PDZRN3: variants seen among roughly 807,000 people sequenced by gnomAD.
The protein encoded by PDZRN3 is PDZ domain containing ring finger 3.
In PDZRN3, 38 loss-of-function variants were observed where a neutral mutation model predicts 85.7. That is an observed-to-expected ratio of 0.44 (90% confidence interval 0.34 to 0.58). The LOEUF (loss-of-function observed/expected upper bound fraction) is 0.58, where lower values mean the gene tolerates loss of function less well. Among genes scored for constraint, PDZRN3 ranks in the 20% least tolerant of loss-of-function variants. The probability of loss-of-function intolerance (pLI) is 0.01; values close to 1 mark genes in which losing one functional copy is unlikely to be tolerated. For synonymous variants in PDZRN3, 759 were observed against 638.0 expected, an observed-to-expected ratio of 1.19 and a Z score of -2.86; for missense variants, 1,629 against 1,506.4, an observed-to-expected ratio of 1.08 and a Z score of -1.35.
intron 3 of PDZRN3, among the ~76,000 whole-genome samples, chr3:73,462,453 G>C (rs1047974075): frequency 2.0e-5 from 3 of 148,876 alleles, no homozygotes; most frequent in African/African-American, 7.4e-5. Context: ...CCCGAAGCAG[G>C]AGAATGGTGT....
intron 3 of PDZRN3, among the ~76,000 whole-genome samples, chr3:73,429,383 T>C (rs1702384684): frequency 6.6e-6 from 1 of 152,230 alleles, no homozygotes; most frequent in Non-Finnish European, 1.5e-5. Flanking sequence ...TTTATGTTCA[T>C]CCAATTAACC....
intron 3 of PDZRN3, chr3:73,408,143 C>T: frequency 1.4e-6 from 1 of 703,410 alleles, no homozygotes; most frequent in Non-Finnish European, 2.6e-6. Context: ...TGACCTCCTC[C>T]TTTTTCACAG....
At chr3:73,511,945 A>G (rs896874787) in intron 3 of PDZRN3, among the ~76,000 whole-genome samples, 3 of 152,250 alleles carry the variant, frequency 2.0e-5, no homozygotes, top group Admixed American at 2.0e-4. Context: ...GAGACCAGAA[A>G]GTAAACTTCT....
intron 3 of PDZRN3, among the ~76,000 whole-genome samples, chr3:73,426,579 G>C (rs1037308849): frequency 1.3e-5 from 2 of 152,166 alleles, no homozygotes; most frequent in African/African-American, 4.8e-5. Context: ...AAGTGTCTGA[G>C]ATGTGACTTC....
chr3:73,453,425 A>AAAAAAAAAAAAAC (rs1702913162), intron 3 of PDZRN3, among the ~76,000 whole-genome samples: 1 of 8,460 alleles, frequency 1.2e-4, no homozygotes, highest in Non-Finnish European at 3.7e-4. Flanking sequence ...AAAAAAAAAC[A>AAAAAAAAAAAAAC]AAAAAAAAAA....
intron 3 of PDZRN3, among the ~76,000 whole-genome samples, chr3:73,599,596 C>G (rs1210264575): frequency 3.3e-5 from 5 of 152,202 alleles, no homozygotes; most frequent in Admixed American, 3.3e-4. Flanking sequence ...TATATTTTGC[C>G]ACATGTATGT....
intron 3 of PDZRN3, among the ~76,000 whole-genome samples, chr3:73,550,861 G>T (rs1701536378): frequency 6.6e-6 from 1 of 152,200 alleles, no homozygotes; most frequent in Non-Finnish European, 1.5e-5. Context: ...TGGAACAAGG[G>T]TCATACAGAC....
intron 3 of PDZRN3, among the ~76,000 whole-genome samples, chr3:73,558,878 G>C (rs1433386059): frequency 1.3e-5 from 2 of 152,224 alleles, no homozygotes; most frequent in African/African-American, 4.8e-5. Context: ...TGCACTGTTT[G>C]ACAGCCTACG....
At chr3:73,431,163 C>G (rs1702423174) in intron 3 of PDZRN3, among the ~76,000 whole-genome samples, 2 of 152,144 alleles carry the variant, frequency 1.3e-5, no homozygotes, top group African/African-American at 4.8e-5. Flanking sequence ...ATGCATGGCC[C>G]CAATCACTGA....
chr3:73,407,967 G>A lies in PDZRN3; in HGVS notation c.919-3572C>T, dbSNP rs191350228. 32 of 594,596 alleles carry A rather than the reference G, an allele frequency of 5.4e-5. No individual in the cohort carries two copies. In the Admixed American group the frequency reaches 9.3e-4, roughly 17 times the overall value. 36.8% of individuals were successfully genotyped at this position (594,596 alleles called of 1,614,324 possible). On this transcript the variant is annotated intron_variant, in intron 3 of 9. Coordinates refer to ENST00000263666, the MANE Select transcript of PDZRN3 (RefSeq NM_015009.3). ...ACCCCAAAGGGAGAACTGGGACTTTGGGGTGACTGAGAAATGCCCTGTCAT... is the reference window on the plus strand; with the variant it reads ...ACCCCAAAGGGAGAACTGGGACTTTAGGGTGACTGAGAAATGCCCTGTCAT...
In PDZRN3 at chr3:73,384,261, G is replaced by A. The variant is rs746963822; in HGVS notation, c.2305C>T (p.Leu769Phe). ...NTGESCRSTP[L>F]TLEISPDNSL... is the part of the protein sequence containing the mutation. ...TTGTCGGGGGAGATCTCCAGGGTGA[G>A]CGGGGTGCTGCGGCAGCTCTCGCCT... Residue 769 changes from leucine to phenylalanine, a missense_variant, in exon 10 of 10, where the codon CTC (leucine) becomes TTC (phenylalanine). Transcript: ENST00000263666. 20 of 1,613,104 alleles carry A rather than the reference G, an allele frequency of 1.2e-5. No homozygotes were observed. The East Asian group carries it at 4.5e-4, about 36-fold the overall frequency.
At chr3:73,574,811 C>A (rs537260323) in intron 3 of PDZRN3, among the ~76,000 whole-genome samples, 1 of 152,180 alleles carries the variant, frequency 6.6e-6, no homozygotes, top group African/African-American at 2.4e-5. Flanking sequence ...GTGCTTTTTA[C>A]AACAAATTCA....
chr3:73,580,249 G>C (rs952645593), intron 3 of PDZRN3, among the ~76,000 whole-genome samples: 1 of 152,224 alleles, frequency 6.6e-6, no homozygotes, highest in Non-Finnish European at 1.5e-5. Flanking sequence ...GAAATTGTAT[G>C]TATACAAGTG....
chr3:73,484,382 A>G (rs1430751716), intron 3 of PDZRN3, among the ~76,000 whole-genome samples: 1 of 152,062 alleles, frequency 6.6e-6, no homozygotes, highest in Non-Finnish European at 1.5e-5. Flanking sequence ...TGTATGCACC[A>G]GAGTGGTGAG....
intron 3 of PDZRN3, among the ~76,000 whole-genome samples, chr3:73,510,440 A>G (rs1419099180): frequency 6.6e-6 from 1 of 152,238 alleles, no homozygotes; most frequent in Non-Finnish European, 1.5e-5. Context: ...AAAAGCAAAA[A>G]AGCTGCAGTC....
chr3:73,434,710 A>T (rs1702498470), intron 3 of PDZRN3, among the ~76,000 whole-genome samples: 1 of 152,152 alleles, frequency 6.6e-6, no homozygotes, highest in South Asian at 2.1e-4. Context: ...GTTACTACGG[A>T]TCTGTATCTG....
intron 3 of PDZRN3, among the ~76,000 whole-genome samples, chr3:73,527,095 T>TC (rs1370144585): frequency 2.0e-5 from 3 of 152,212 alleles, no homozygotes; most frequent in African/African-American, 4.8e-5. Flanking sequence ...TGCCTTGGCC[T>TC]CCCAAAGTGC....
intron 3 of PDZRN3, among the ~76,000 whole-genome samples, chr3:73,574,470 G>A (rs1311836855): frequency 1.3e-4 from 19 of 141,518 alleles, no homozygotes; most frequent in Admixed American, 1.2e-3. Context: ...GGGGGGTGGG[G>A]AGGGCGGAAA....
At chr3:73,397,960 G>C (rs1018321681) in intron 5 of PDZRN3, among the ~76,000 whole-genome samples, 1 of 152,120 alleles carries the variant, frequency 6.6e-6, no homozygotes, top group Non-Finnish European at 1.5e-5. Context: ...CTAATGGCTT[G>C]TGAGCTCCTT....
Sources: allele counts gnomAD v4.1 joint callset (sites outside exome capture counted in the v4.1 genomes callset), GRCh38; gene constraint gnomAD v4.1.1; transcripts MANE v1.5; gene names NCBI Gene and HGNC (gene_info 2026-07-23, HGNC 2026-07-21).